The following TNRC6B variants were observed in gnomAD, a reference collection of about 807,000 sequenced individuals.
TNRC6B encodes the protein trinucleotide repeat containing adaptor 6B.
TNRC6B carries 52 observed loss-of-function variants against 203.6 expected under a neutral mutation model. The ratio of observed to expected loss-of-function variants is 0.26; its 90% CI spans 0.20 to 0.32. The LOEUF (loss-of-function observed/expected upper bound fraction) is 0.32, where lower values mean the gene tolerates loss of function less well. Ranked by LOEUF, TNRC6B falls within the 10% of genes least tolerant of loss-of-function variation. The pLI, the probability that TNRC6B is intolerant of heterozygous loss-of-function variation, is 1.00. For missense variants in TNRC6B, 1,923 were observed against 2,286.2 expected (o/e 0.84, Z 3.24); for synonymous variants, 838 against 845.7 (o/e 0.99, Z 0.16).
intron 1 of TNRC6B, among the ~76,000 whole-genome samples, chr22:40,091,062 A>C (rs1193761456): frequency 6.6e-6 from 1 of 152,098 alleles, no homozygotes; most frequent in African/African-American, 2.4e-5. Context: ...GCTCACTGCA[A>C]GCTTCGCCTC....
chr22:40,319,875 G>C (rs2071312577), intron 21 of TNRC6B, among the ~76,000 whole-genome samples: 1 of 152,180 alleles, frequency 6.6e-6, no homozygotes, highest in African/African-American at 2.4e-5. Context: ...GTTCCCCTCA[G>C]ATAAAAGGGG....
At chr22:40,144,391 C>A (rs1472873093) in intron 3 of TNRC6B, among the ~76,000 whole-genome samples, 1 of 152,138 alleles carries the variant, frequency 6.6e-6, no homozygotes, top group Non-Finnish European at 1.5e-5. Flanking sequence ...AAATTGAACT[C>A]TTGGCTGGGC....
intron 12 of TNRC6B, among the ~76,000 whole-genome samples, chr22:40,289,053 A>T (rs2070832136): frequency 6.8e-6 from 1 of 147,684 alleles, no homozygotes; most frequent in African/African-American, 2.5e-5. Context: ...ACCTCAAGTG[A>T]TCCACCCCAC....
upstream of TNRC6B, among the ~76,000 whole-genome samples, chr22:40,177,362 C>T (rs1439031795): frequency 6.6e-6 from 1 of 152,156 alleles, no homozygotes; most frequent in Non-Finnish European, 1.5e-5. Flanking sequence ...AAACCAGTCC[C>T]TCTTCTGCAG....
At chr22:40,080,944 C>T (rs1369760899) in intron 1 of TNRC6B, among the ~76,000 whole-genome samples, 4 of 151,818 alleles carry the variant, frequency 2.6e-5, no homozygotes, top group Non-Finnish European at 4.4e-5. Context: ...GCAAGCTCTG[C>T]CTCCTGGGTT....
intron 1 of TNRC6B, among the ~76,000 whole-genome samples, chr22:40,181,247 T>G (rs2069125056): frequency 6.6e-6 from 1 of 152,110 alleles, no homozygotes; most frequent in Admixed American, 6.5e-5. Context: ...CAAGAGACAC[T>G]AGAAGAGTGT....
At chr22:40,319,224 C>T (rs916290191) in intron 21 of TNRC6B, among the ~76,000 whole-genome samples, 2 of 151,642 alleles carry the variant, frequency 1.3e-5, no homozygotes, top group African/African-American at 4.8e-5. Flanking sequence ...GTCACCTGCT[C>T]TCCAGCCTGG....
chr22:40,254,959 C>T (rs1309457888), intron 3 of TNRC6B, among the ~76,000 whole-genome samples: 3 of 152,168 alleles, frequency 2.0e-5, no homozygotes, highest in Non-Finnish European at 4.4e-5. Flanking sequence ...ACTTCCTGCA[C>T]CACACTATGA....
chr22:40,231,732 G>A (rs999935933), intron 1 of TNRC6B, among the ~76,000 whole-genome samples: 1 of 152,198 alleles, frequency 6.6e-6, no homozygotes, highest in African/African-American at 2.4e-5. Context: ...TCTAATGAAA[G>A]AAGTTCAGGA....
chr22:40,278,630 C>T (rs977336556), intron 9 of TNRC6B, among the ~76,000 whole-genome samples: 2 of 152,098 alleles, frequency 1.3e-5, no homozygotes, highest in Non-Finnish European at 2.9e-5. Flanking sequence ...AAGAATCAGC[C>T]TTGCATTGCT....
intron 12 of TNRC6B, among the ~76,000 whole-genome samples, chr22:40,289,306 G>T (rs2070836521): frequency 6.6e-6 from 1 of 152,010 alleles, no homozygotes; most frequent in Non-Finnish European, 1.5e-5. Context: ...GAGGAAGGGA[G>T]GGAGGGAACA....
At chr22:40,250,212 G>A (rs1165155626) in intron 2 of TNRC6B, among the ~76,000 whole-genome samples, 1 of 152,244 alleles carries the variant, frequency 6.6e-6, no homozygotes, top group Admixed American at 6.5e-5. Flanking sequence ...AAAATTTAGT[G>A]TAACCACTAT....
chr22:40,269,258 G>A (rs528486631), intron 5 of TNRC6B, among the ~76,000 whole-genome samples: 2 of 141,062 alleles, frequency 1.4e-5, no homozygotes, highest in African/African-American at 2.6e-5. Flanking sequence ...TCAGCCTCCC[G>A]AATAGCTGGG....
intron 6 of TNRC6B, among the ~76,000 whole-genome samples, chr22:40,270,759 C>T (rs989860282): frequency 2.4e-4 from 37 of 152,162 alleles, no homozygotes; most frequent in African/African-American, 8.9e-4. Flanking sequence ...ACGGTTGTGG[C>T]TTGGCTTGGC....
intron 2 of TNRC6B, among the ~76,000 whole-genome samples, chr22:40,122,936 G>A (rs916207266): frequency 2.6e-5 from 4 of 152,076 alleles, no homozygotes; most frequent in East Asian, 1.9e-4. Context: ...GTAAGCATTC[G>A]GGTCTGTTGG....
In TNRC6B at chr22:40,048,043, T is replaced by A. The variant is rs578258645; in HGVS notation, c.-121+3045T>A. The stretch of plus-strand genomic sequence containing the variant: ...TGAAAAAATACTTAAATGGAGCAAC[T>A]CATGGGGTCTTGGAAAATTCTGTCA... On this transcript the variant is annotated intron_variant, in intron 1 of 23. Coordinates refer to the TNRC6B transcript ENST00000301923. Among the ~76,000 whole-genome samples, 388 of 152,354 alleles carry A rather than the reference T, an allele frequency of 2.5e-3. 1 individual carries two copies. The highest frequency in any genetic ancestry group is 3.7e-3 in the Non-Finnish European group (249 of 68,038).
At chr22:40,163,026 T>G (rs1260465556) in intron 4 of TNRC6B, among the ~76,000 whole-genome samples, 1 of 152,116 alleles carries the variant, frequency 6.6e-6, no homozygotes, top group African/African-American at 2.4e-5. Context: ...TAACAAAGTC[T>G]TTTTTTCCCA....
chr22:40,258,811 A>C (rs2070326782), intron 3 of TNRC6B, among the ~76,000 whole-genome samples: 1 of 152,324 alleles, frequency 6.6e-6, no homozygotes, highest in East Asian at 1.9e-4. Flanking sequence ...CGTGATACCT[A>C]CCAAATTTCT....
chr22:40,045,608 C>T (rs894704410), intron 1 of TNRC6B: 2 of 152,422 alleles, frequency 1.3e-5, no homozygotes, highest in East Asian at 1.9e-4. Context: ...TTCCACACCC[C>T]TCGCCAGGGC....
Sources: allele counts gnomAD v4.1 joint callset (sites outside exome capture counted in the v4.1 genomes callset), GRCh38; gene constraint gnomAD v4.1.1; transcripts MANE v1.5; gene names NCBI Gene and HGNC (gene_info 2026-07-23, HGNC 2026-07-21).